Variants in KDM4C observed in about 807,000 individuals in gnomAD.
KDM4C encodes the protein lysine-specific demethylase 4C.
In KDM4C, 81 loss-of-function variants were observed where a neutral mutation model predicts 129.3. The ratio of observed to expected loss-of-function variants is 0.63; its 90% CI spans 0.52 to 0.75. The LOEUF is 0.75. Among genes scored for constraint, KDM4C ranks in the 30% least tolerant of loss-of-function variants. The pLI is 0.00. For synonymous variants in KDM4C, 573 were observed against 456.1 expected (o/e 1.26, Z -3.26); for missense variants, 1,457 against 1,304.0 (o/e 1.12, Z -1.81).
chr9:7,131,409 A>G (rs1362314140), intron 19 of KDM4C, among the ~76,000 whole-genome samples: 1 of 152,166 alleles, frequency 6.6e-6, no homozygotes, highest in African/African-American at 2.4e-5. Context: ...TCTCCAGAGA[A>G]GCGGAACCAA....
intron 8 of KDM4C, among the ~76,000 whole-genome samples, chr9:6,948,927 C>G (rs1827513637): frequency 6.6e-6 from 1 of 152,144 alleles, no homozygotes. Flanking sequence ...TATCTTTTCC[C>G]CACATTTCCC....
At chr9:7,104,965 T>C (rs1445926922) in intron 18 of KDM4C, among the ~76,000 whole-genome samples, 2 of 152,000 alleles carry the variant, frequency 1.3e-5, no homozygotes, top group African/African-American at 4.8e-5. Context: ...AATGCTTAAA[T>C]GTACAAAATG....
chr9:6,802,878 A>G (rs1829276024), intron 2 of KDM4C, among the ~76,000 whole-genome samples: 1 of 152,252 alleles, frequency 6.6e-6, no homozygotes. Flanking sequence ...AAGTGCTGGG[A>G]TTACAGGAGT....
intron 19 of KDM4C, among the ~76,000 whole-genome samples, chr9:7,129,029 TG>T (rs1228585761): frequency 6.6e-6 from 1 of 152,180 alleles, no homozygotes. Flanking sequence ...TGAGTTAGTC[TG>T]GTGCTGATCC....
intron 18 of KDM4C, among the ~76,000 whole-genome samples, chr9:7,106,370 T>C (rs1342727192): frequency 6.6e-6 from 1 of 152,244 alleles, no homozygotes; most frequent in Non-Finnish European, 1.5e-5. Context: ...CATTGATTAT[T>C]TGAAAGTAAT....
At chr9:6,879,647 T>G (rs1844138090) in intron 5 of KDM4C, among the ~76,000 whole-genome samples, 1 of 152,086 alleles carries the variant, frequency 6.6e-6, no homozygotes, top group South Asian at 2.1e-4. Context: ...ACGAAAAACA[T>G]ACAACCAAAA....
chr9:7,064,729 G>A (rs530882502), intron 17 of KDM4C, among the ~76,000 whole-genome samples: 2 of 152,218 alleles, frequency 1.3e-5, no homozygotes, highest in East Asian at 3.9e-4. Context: ...TATGCTAGGG[G>A]GTTAGAATCT....
At chr9:6,770,394 G>A (rs920996749) in intron 1 of KDM4C, among the ~76,000 whole-genome samples, 27 of 152,018 alleles carry the variant, frequency 1.8e-4, no homozygotes, top group African/African-American at 6.5e-4. Context: ...TTGGATTTAT[G>A]GTTTCCTATT....
chr9:7,096,814 T>A (rs1304634577), intron 17 of KDM4C, among the ~76,000 whole-genome samples: 1 of 152,096 alleles, frequency 6.6e-6, no homozygotes. Flanking sequence ...TTGCCTGAGG[T>A]TTAACCCAGA....
chr9:7,159,560 G>T (rs540802245), intron 19 of KDM4C, among the ~76,000 whole-genome samples: 83 of 152,302 alleles, frequency 5.4e-4, no homozygotes, highest in Non-Finnish European at 1.1e-3. Flanking sequence ...TTGCTTGTCT[G>T]TAAAGGATTT....
chr9:6,970,136 G>A (rs1831706354), intron 8 of KDM4C, among the ~76,000 whole-genome samples: 1 of 152,278 alleles, frequency 6.6e-6, no homozygotes, highest in Non-Finnish European at 1.5e-5. Context: ...GCATCCTAAC[G>A]AAGAGAAATC....
chr9:7,164,756 A>C (rs1844195723), intron 19 of KDM4C, among the ~76,000 whole-genome samples: 1 of 152,152 alleles, frequency 6.6e-6, no homozygotes, highest in Non-Finnish European at 1.5e-5. Flanking sequence ...CTGGCAACTT[A>C]AAGCCTCGCA....
intron 8 of KDM4C, among the ~76,000 whole-genome samples, chr9:6,921,682 C>A (rs1027509272): frequency 2.0e-5 from 3 of 152,208 alleles, no homozygotes; most frequent in African/African-American, 7.2e-5. Flanking sequence ...ATTGTGTATA[C>A]TTCTGCTCAG....
At chr9:7,170,857 TGAA>T (rs377480339) in intron 21 of KDM4C, 11 of 691,574 alleles carry the variant, frequency 1.6e-5, no homozygotes, top group East Asian at 1.4e-4. Context: ...GGGCCATACT[TGAA>T]GAAGAAGAAT....
chr9:7,009,604 G>A (rs756232367), intron 12 of KDM4C, among the ~76,000 whole-genome samples: 2 of 152,082 alleles, frequency 1.3e-5, no homozygotes, highest in Non-Finnish European at 2.9e-5. Context: ...TTCATGCTGA[G>A]ACACCAACAA....
At chr9:6,896,268 T>C (rs916288956) in intron 8 of KDM4C, among the ~76,000 whole-genome samples, 1 of 152,198 alleles carries the variant, frequency 6.6e-6, no homozygotes, top group Non-Finnish European at 1.5e-5. Flanking sequence ...ACAATACTTT[T>C]ATAATTACTA....
intron 19 of KDM4C, among the ~76,000 whole-genome samples, chr9:7,138,670 T>G (rs1015790798): frequency 1.2e-4 from 18 of 151,634 alleles, no homozygotes; most frequent in African/African-American, 3.6e-4. Context: ...TTAAAAAAAT[T>G]TAGCCAGGCA....
intron 12 of KDM4C, among the ~76,000 whole-genome samples, chr9:6,993,920 C>T (rs1480916788): frequency 1.3e-5 from 2 of 152,152 alleles, no homozygotes; most frequent in Non-Finnish European, 2.9e-5. Context: ...AGCTTCATTT[C>T]CCTTAACTTT....
Position 7,019,499 on chromosome 9 carries a change from C to T in KDM4C, c.2259+3570C>T, listed in dbSNP as rs538541123. Among the ~76,000 whole-genome samples the T allele has an allele frequency of 2.0e-5, 3 of 151,544 alleles. No homozygotes were observed. The South Asian group carries it at 6.3e-4, about 32-fold the overall frequency. On this transcript the variant is annotated intron_variant, in intron 15 of 21. Transcript: ENST00000381309. Reference sequence around the variant, plus strand: ...TGAAGGTAAGGTTATTCATCAGGAACGTAAAATATTCCTATAGCATATTCA... The same window carrying T: ...TGAAGGTAAGGTTATTCATCAGGAATGTAAAATATTCCTATAGCATATTCA...
Sources: gnomAD v4.1 joint callset for allele counts (sites outside exome capture counted in the v4.1 genomes callset) on GRCh38, gnomAD v4.1.1 for gene constraint, MANE v1.5 for transcripts, NCBI Gene and HGNC (gene_info 2026-07-23, HGNC 2026-07-21) for gene names.